FAM20B: variants seen among roughly 807,000 people sequenced by gnomAD.
FAM20B encodes the protein FAM20B glycosaminoglycan xylosylkinase.
FAM20B carries 23 observed loss-of-function variants against 43.8 expected under a neutral mutation model. The ratio of observed to expected loss-of-function variants is 0.53; its 90% CI spans 0.38 to 0.74. The LOEUF (loss-of-function observed/expected upper bound fraction) is 0.74. Among genes scored for constraint, FAM20B ranks in the 30% least tolerant of loss-of-function variants. The pLI is 0.00. For synonymous variants in FAM20B, 178 were observed against 192.4 expected (o/e 0.93, Z 0.62); for missense variants, 440 against 510.5 (o/e 0.86, Z 1.33).
At chr1:179,060,011 T>C (rs907354818) in intron 4 of FAM20B, among the ~76,000 whole-genome samples, 3 of 151,896 alleles carry the variant, frequency 2.0e-5, no homozygotes, top group African/African-American at 7.3e-5. Context: ...AATGAAAAAT[T>C]TTCTCGTCTG....
At chr1:179,050,432 C>T (rs1347211434) in intron 3 of FAM20B, 67 bp downstream of exon 3, 2 of 1,116,082 alleles carry the variant, frequency 1.8e-6, no homozygotes. Flanking sequence ...GGAGAGGACT[C>T]GTGGACTCCT....
At chr1:179,043,585 T>G in intron 1 of FAM20B, 130 bp from the exon 2 acceptor site, 1 of 361,116 alleles carries the variant, frequency 2.8e-6, no homozygotes, top group Non-Finnish European at 5.0e-6. Flanking sequence ...TAATTTTAAA[T>G]TATTGAACCT....
chr1:179,023,572 T>A (rs1227828622), upstream of FAM20B, among the ~76,000 whole-genome samples: 1 of 152,214 alleles, frequency 6.6e-6, no homozygotes, highest in Non-Finnish European at 1.5e-5. Context: ...TGCCTGGCAC[T>A]TGGTAGACAT....
chr1:179,070,195 A>G (rs1335359343), intron 7 of FAM20B, among the ~76,000 whole-genome samples: 1 of 150,650 alleles, frequency 6.6e-6, no homozygotes, highest in African/African-American at 2.4e-5. Context: ...ACAGGCATGT[A>G]CCACCATGCC....
chr1:179,063,095 G>A (rs1651542234), intron 4 of FAM20B, among the ~76,000 whole-genome samples: 1 of 152,242 alleles, frequency 6.6e-6, no homozygotes, highest in South Asian at 2.1e-4. Flanking sequence ...CTGACCAAAT[G>A]GTGAAACCCT....
At chr1:179,063,173 A>T (rs1251027668) in intron 4 of FAM20B, among the ~76,000 whole-genome samples, 2 of 152,128 alleles carry the variant, frequency 1.3e-5, no homozygotes, top group African/African-American at 4.8e-5. Flanking sequence ...GCTACTCAGG[A>T]GGCTGAGACG....
chr1:179,063,495 G>A (rs984787678), intron 4 of FAM20B, among the ~76,000 whole-genome samples: 2 of 152,186 alleles, frequency 1.3e-5, no homozygotes, highest in Non-Finnish European at 2.9e-5. Flanking sequence ...GGCTGAGATG[G>A]AAGGATGGCT....
chr1:179,070,560 T>C (rs1651880269), intron 7 of FAM20B, among the ~76,000 whole-genome samples: 2 of 142,920 alleles, frequency 1.4e-5, no homozygotes, highest in South Asian at 4.7e-4. Context: ...AGTCTTGCTC[T>C]TTTGCCCAGG....
chr1:179,072,211 T>C lies in FAM20B; in HGVS notation c.*67T>C. ...GAGAAACAGCACAATCAATTCCAAA[T>C]GGTATGAGATGGATTGGAAGTGGCC... is the stretch of plus-strand genomic sequence containing the variant. On this transcript the variant is annotated 3_prime_UTR_variant, in exon 8 of 8. Transcript: ENST00000263733. 1 of 1,259,750 alleles carries C rather than the reference T, an allele frequency of 7.9e-7. No homozygotes were observed. Among genetic ancestry groups the C allele is most frequent in the South Asian group, 1.3e-5 (1 of 74,204 alleles). 78.0% of individuals were successfully genotyped at this position (1,259,750 alleles called of 1,614,324 possible).
chr1:179,034,552 T>C (rs1407446692), intron 1 of FAM20B, among the ~76,000 whole-genome samples: 2 of 152,166 alleles, frequency 1.3e-5, no homozygotes, highest in Admixed American at 1.3e-4. Flanking sequence ...CACCTCTTGA[T>C]AGGATAAATT....
chr1:179,052,515 T>C (rs1651048054), intron 3 of FAM20B, among the ~76,000 whole-genome samples: 1 of 152,224 alleles, frequency 6.6e-6, no homozygotes, highest in Admixed American at 6.5e-5. Context: ...CATTAAGGAA[T>C]GTTCATATCC....
At position 179,075,115 on chromosome 1, in the gene FAM20B, C is replaced by T. The variant is rs1652077978; in HGVS notation, c.*2971C>T. 6.6e-6 allele frequency: 1 copy of T among 152,032 alleles called. No individual in the cohort carries two copies. Among genetic ancestry groups the T allele is most frequent in the South Asian group, 2.1e-4 (1 of 4,814 alleles). The allele number at this position is 152,032 out of a possible 1,614,324, so 9.4% of individuals were successfully genotyped here. A position where few individuals can be genotyped will look rare whatever the true frequency, so the allele number is the denominator to read the frequency against. On this transcript the variant is annotated 3_prime_UTR_variant, in exon 8 of 8. Transcript: ENST00000263733. ...GCTGAGGCAGGAGAATCACTTGAAT[C>T]CAGGAGGCGAAGGTTGCAGTGAGCT...
rs1334652121 is a variant in FAM20B, at chr1:179,076,124, G to A, written c.*3980G>A. On this transcript the variant is annotated 3_prime_UTR_variant, in exon 8 of 8. Coordinates refer to ENST00000263733, the MANE Select transcript of FAM20B (RefSeq NM_014864.4). ...ATTAACATAAAGACCATTCATCAGC[G>A]AATAACTACTGAGCAACTCTAGTGT... 2.0e-5 allele frequency: 3 copies of A among 152,126 alleles called. No individual in the cohort carries two copies. Among genetic ancestry groups the A allele is most frequent in the African/African-American group, 4.8e-5 (2 of 41,432 alleles). The allele number at this position is 152,126 out of a possible 1,614,324, so 9.4% of individuals were successfully genotyped here.
intron 3 of FAM20B, among the ~76,000 whole-genome samples, chr1:179,053,968 A>G (rs1405792277): frequency 6.6e-6 from 1 of 152,202 alleles, no homozygotes; most frequent in Admixed American, 6.5e-5. Flanking sequence ...ACTTTTGTTC[A>G]GTTGGTGTAT....
At chr1:179,066,891 C>G in intron 7 of FAM20B, 32 bp downstream of exon 7, 1 of 1,479,460 alleles carries the variant, frequency 6.8e-7, no homozygotes, top group Non-Finnish European at 9.5e-7. Context: ...CATGTGCCTG[C>G]ATTGCCTTCT....
At chr1:179,071,795 T>C (rs10913689) in intron 7 of FAM20B, 118 bp from the exon 8 acceptor site, 220,271 of 715,316 alleles carry the variant, frequency 0.31, 34,403 homozygotes, top group Middle Eastern at 0.33. Flanking sequence ...AAAGCAAAAA[T>C]TATTTAGTTA....
At chr1:179,025,862 C>A (rs1649740767), upstream of FAM20B, 1 of 140,192 alleles carries the variant, frequency 7.1e-6, no homozygotes, top group Non-Finnish European at 1.6e-5. Flanking sequence ...TAGGACGGTA[C>A]CAACAGCCGG....
Position 179,044,197 on chromosome 1 carries a change from G to T in FAM20B, c.350G>T (p.Gly117Val). ...AAAGCCTTACTGATACTTGAAGGAG[G>T]CCAGAAAGTTGTTTTCAAACCTAAG... ...QLKALLILEGGQKVVFKPKRY... is the reference protein window; with the variant it reads ...QLKALLILEGVQKVVFKPKRY... The change falls in exon 2 of 8, where the codon GGC (glycine) becomes GTC (valine). Residue 117 changes from glycine to valine, a missense_variant. By Grantham distance (109) the Gly-to-Val change is moderately radical. Transcript: ENST00000263733. 6.2e-7 allele frequency: 1 copy of T among 1,609,994 alleles called. No individual in the cohort carries two copies. The highest frequency in any genetic ancestry group is 1.1e-5 in the South Asian group (1 of 90,894).
chr1:179,053,674 CAG>C, intron 3 of FAM20B, among the ~76,000 whole-genome samples: 1 of 152,160 alleles, frequency 6.6e-6, no homozygotes, highest in Non-Finnish European at 1.5e-5. Flanking sequence ...ACAGAATCAG[CAG>C]CCCTAAACAA....
Sources: gnomAD v4.1 joint callset for allele counts (sites outside exome capture counted in the v4.1 genomes callset) on GRCh38, gnomAD v4.1.1 for gene constraint, MANE v1.5 for transcripts, NCBI Gene and HGNC (gene_info 2026-07-23, HGNC 2026-07-21) for gene names.